Variants in GBF1 observed in about 807,000 individuals in gnomAD.
GBF1 encodes Golgi-specific brefeldin A-resistance guanine nucleotide exchange factor 1.
A neutral mutation model predicts 210.5 loss-of-function variants in GBF1; 114 were observed. The ratio of observed to expected loss-of-function variants is 0.54; its 90% CI spans 0.47 to 0.63. GBF1 has a LOEUF of 0.63. Ranked by LOEUF, GBF1 falls within the 30% of genes least tolerant of loss-of-function variation. GBF1 has a pLI of 0.00. For missense variants in GBF1, 1,851 were observed against 2,357.7 expected (o/e 0.79, Z 4.45); for synonymous variants, 850 against 889.2 (o/e 0.96, Z 0.78).
intron 3 of GBF1, among the ~76,000 whole-genome samples, chr10:102,270,847 T>C (rs2074334304): frequency 6.6e-6 from 1 of 152,098 alleles, no homozygotes; most frequent in Non-Finnish European, 1.5e-5. Flanking sequence ...GGTAGTTATG[T>C]CTTTTTAGAC....
chr10:102,256,176 C>T (rs2072338013), intron 1 of GBF1, among the ~76,000 whole-genome samples: 2 of 152,270 alleles, frequency 1.3e-5, no homozygotes, highest in South Asian at 4.1e-4. Context: ...AACTCCTGGG[C>T]TCAAATGATC....
chr10:102,316,565 C>T (rs913596609), intron 3 of GBF1, among the ~76,000 whole-genome samples: 2 of 152,218 alleles, frequency 1.3e-5, no homozygotes, highest in African/African-American at 4.8e-5. Context: ...TTTAGGTCTT[C>T]AGTGAGTCAC....
chr10:102,273,928 C>T (rs1376195640), intron 3 of GBF1, among the ~76,000 whole-genome samples: 1 of 152,198 alleles, frequency 6.6e-6, no homozygotes, highest in Non-Finnish European at 1.5e-5. Flanking sequence ...ATTGTTTAGA[C>T]ATATCATGTT....
intron 3 of GBF1, among the ~76,000 whole-genome samples, chr10:102,261,669 G>A (rs1302507035): frequency 2.1e-5 from 3 of 145,720 alleles, no homozygotes; most frequent in Non-Finnish European, 4.5e-5. Context: ...AGGCTGGAGT[G>A]CAGTGGTGTG....
chr10:102,283,183 A>C (rs1482676669), intron 3 of GBF1, among the ~76,000 whole-genome samples: 3 of 152,226 alleles, frequency 2.0e-5, no homozygotes, highest in African/African-American at 7.2e-5. Context: ...CAGTTTATTG[A>C]TACCCTTAAC....
chr10:102,319,604 A>G (rs548501242), intron 3 of GBF1, among the ~76,000 whole-genome samples: 20 of 151,672 alleles, frequency 1.3e-4, no homozygotes, highest in Non-Finnish European at 2.9e-4. Context: ...TCTATTCTGT[A>G]TTGGTTACTG....
chr10:102,344,304 G>C, intron 4 of GBF1, 122 bp downstream of exon 4: 1 of 795,476 alleles, frequency 1.3e-6, no homozygotes, highest in Non-Finnish European at 2.1e-6. Context: ...CTCTTTTCTT[G>C]TAGAAGAGAA....
chr10:102,299,940 C>T (rs1244636299), intron 3 of GBF1, among the ~76,000 whole-genome samples: 1 of 152,042 alleles, frequency 6.6e-6, no homozygotes, highest in East Asian at 1.9e-4. Flanking sequence ...AATATGGTGA[C>T]ATTCATTTAA....
chr10:102,306,626 G>A (rs1565088917), intron 3 of GBF1, among the ~76,000 whole-genome samples: 1 of 152,336 alleles, frequency 6.6e-6, no homozygotes, highest in South Asian at 2.1e-4. Flanking sequence ...GTTTTGCCAT[G>A]TTGGCCAGGT....
At chr10:102,319,318 T>TCAA (rs199689302) in intron 3 of GBF1, among the ~76,000 whole-genome samples, 1 of 151,740 alleles carries the variant, frequency 6.6e-6, no homozygotes, top group Admixed American at 6.6e-5. Context: ...AGACTCCGTC[T>TCAA]CAACAACAAC....
chr10:102,312,566 G>A (rs1367917551), intron 3 of GBF1, among the ~76,000 whole-genome samples: 2 of 152,174 alleles, frequency 1.3e-5, no homozygotes, highest in Non-Finnish European at 2.9e-5. Flanking sequence ...AATTCCATCC[G>A]TTGTAAGGGA....
chr10:102,277,839 T>G (rs571890922), intron 3 of GBF1, among the ~76,000 whole-genome samples: 107 of 150,088 alleles, frequency 7.1e-4, no homozygotes, highest in Non-Finnish European at 9.7e-4. Flanking sequence ...TTATTATTTG[T>G]TTTTTTTTTC....
chr10:102,259,431 G>A (rs1048481669), intron 2 of GBF1, among the ~76,000 whole-genome samples: 1 of 152,036 alleles, frequency 6.6e-6, no homozygotes, highest in Non-Finnish European at 1.5e-5. Context: ...CTTCTTGGGG[G>A]TTCAGCAAAC....
intron 3 of GBF1, among the ~76,000 whole-genome samples, chr10:102,262,662 C>G (rs2073385030): frequency 6.6e-6 from 1 of 152,188 alleles, no homozygotes; most frequent in African/African-American, 2.4e-5. Flanking sequence ...CATTTCCTGC[C>G]TGCTACTGAA....
intron 36 of GBF1, 138 bp from the exon 37 acceptor site, chr10:102,380,111 T>A: frequency 1.3e-6 from 1 of 759,748 alleles, no homozygotes; most frequent in South Asian, 1.6e-5. Flanking sequence ...GAGAGGATTC[T>A]GAATCTTAAA....
At chr10:102,307,659 C>T (rs2078018601) in intron 3 of GBF1, among the ~76,000 whole-genome samples, 1 of 152,002 alleles carries the variant, frequency 6.6e-6, no homozygotes, top group South Asian at 2.1e-4. Context: ...GGCGTGGTGG[C>T]GGGTGCCTAT....
chr10:102,367,326 A>G, intron 20 of GBF1, 116 bp downstream of exon 20: 1 of 1,271,910 alleles, frequency 7.9e-7, no homozygotes, highest in Non-Finnish European at 1.1e-6. Flanking sequence ...GGGAATCAGG[A>G]AGGGCTGGCC....
intron 3 of GBF1, among the ~76,000 whole-genome samples, chr10:102,334,128 G>T (rs935252846): frequency 2.6e-5 from 4 of 152,202 alleles, no homozygotes; most frequent in African/African-American, 9.7e-5. Flanking sequence ...ATGGGAGCAG[G>T]CTGGTGACCC....
upstream of GBF1, among the ~76,000 whole-genome samples, chr10:102,242,907 C>T (rs1380289396): frequency 4.6e-5 from 6 of 131,316 alleles, no homozygotes; most frequent in East Asian, 2.2e-4. Flanking sequence ...CCAGACTGGG[C>T]GACAGAGCAA....
Sources: gnomAD v4.1 joint callset for allele counts (sites outside exome capture counted in the v4.1 genomes callset) on GRCh38, gnomAD v4.1.1 for gene constraint, MANE v1.5 for transcripts, NCBI Gene and HGNC (gene_info 2026-07-23, HGNC 2026-07-21) for gene names.